Variants in GLI2 observed in about 807,000 individuals in gnomAD.
The protein encoded by GLI2 is GLI family zinc finger 2.
Under a neutral mutation model 78.9 loss-of-function variants are expected in GLI2, and 22 were observed. The observed-to-expected ratio is 0.28, with a 90% confidence interval of 0.20 to 0.40. GLI2 has a LOEUF of 0.40. Among genes scored for constraint, GLI2 ranks in the 10% least tolerant of loss-of-function variants. The pLI is 1.00. For missense variants in GLI2, 2,097 were observed against 2,213.2 expected (o/e 0.95, Z 1.05); for synonymous variants, 974 against 963.7 (o/e 1.01, Z -0.20).
At chr2:120,976,777 C>T (rs567570241) in intron 9 of GLI2, among the ~76,000 whole-genome samples, 1 of 152,318 alleles carries the variant, frequency 6.6e-6, no homozygotes, top group South Asian at 2.1e-4. Context: ...AGGTGGCCAC[C>T]TCCACCAGGC....
At chr2:120,932,076 G>A (rs1382437897) in intron 3 of GLI2, among the ~76,000 whole-genome samples, 1 of 152,198 alleles carries the variant, frequency 6.6e-6, no homozygotes, top group Non-Finnish European at 1.5e-5. Context: ...CCAGGGCAAA[G>A]CTTGTGAGGA....
intron 3 of GLI2, 45 bp from the exon 4 acceptor site, chr2:120,951,197 TC>T: frequency 9.0e-7 from 1 of 1,112,468 alleles, no homozygotes; most frequent in Non-Finnish European, 1.4e-6. Context: ...TTGGTGGGGT[TC>T]CCTCTGTGTC....
Position 120,970,470 on chromosome 2 carries a change from C to T in GLI2, c.923C>T (p.Ser308Leu). Residue 308 changes from serine to leucine, a missense_variant, in exon 7 of 14, where the codon TCA (serine) becomes TTA (leucine). By Grantham distance (145) the Ser-to-Leu change is moderately radical (BLOSUM62 -2). This residue lies in a region of GLI2 where 578 missense variants were observed against 612.0 expected (regional missense o/e 0.94). Transcript: ENST00000361492. Reference sequence around the variant, plus strand: ...CTGAGCCAGCAGAGGGGTCTGGGGTCAGCCTTTGGACACACACCACCCCTG... The same window carrying T: ...CTGAGCCAGCAGAGGGGTCTGGGGTTAGCCTTTGGACACACACCACCCCTG... ...QILSQQRGLG[S>L]AFGHTPPLIQ... is the part of the protein sequence containing the mutation. 1.9e-6 allele frequency: 3 copies of T among 1,613,938 alleles called. No individual in the cohort carries two copies. The highest frequency in any genetic ancestry group is 2.5e-6 in the Non-Finnish European group (3 of 1,179,896).
chr2:120,850,261 ATAAAG>A (rs1338667479), intron 2 of GLI2, among the ~76,000 whole-genome samples: 1 of 152,092 alleles, frequency 6.6e-6, no homozygotes, highest in Non-Finnish European at 1.5e-5. Context: ...ATAACCAAGA[ATAAAG>A]TAACGCTTCT....
At chr2:120,741,400 T>C (rs1307892142) in intron 1 of GLI2, among the ~76,000 whole-genome samples, 2 of 151,936 alleles carry the variant, frequency 1.3e-5, no homozygotes, top group Non-Finnish European at 1.5e-5. Context: ...CCTTTCTGTC[T>C]TTTTCTTTCT....
intron 1 of GLI2, among the ~76,000 whole-genome samples, chr2:120,787,731 C>T (rs1684037595): frequency 6.6e-6 from 1 of 152,240 alleles, no homozygotes; most frequent in Non-Finnish European, 1.5e-5. Flanking sequence ...AGACAGCGGC[C>T]TCAGAGCACG....
rs755886005 is a variant in GLI2, at chr2:120,988,494, G to C, written c.2529G>C (p.Thr843=). ...SSADSYDPIS[T]DASRRSSEAS... is the part of the protein sequence containing the mutation. ...CTGACTCCTACGACCCCATCTCCAC[G>C]GACGCGTCGCGGCGCTCGAGCGAGG... Residue 843 remains threonine (T), a synonymous_variant, in exon 14 of 14, where the codon ACG becomes ACC. Transcript: ENST00000361492. 5.2e-6 allele frequency: 8 copies of C among 1,543,020 alleles called. No homozygotes were observed. Among genetic ancestry groups the C allele is most frequent in the South Asian group, 3.6e-5 (3 of 84,298 alleles).
In GLI2 at chr2:120,989,527, C is replaced by G; in HGVS notation, c.3562C>G (p.Leu1188Val). 1.9e-6 allele frequency: 3 copies of G among 1,612,424 alleles called. No individual in the cohort carries two copies. The highest frequency in any genetic ancestry group is 2.5e-6 in the Non-Finnish European group (3 of 1,179,744). The change falls in exon 14 of 14, where the codon CTG becomes GTG. Residue 1188 changes from leucine (L) to valine (V), a missense_variant. Around this residue, in one of 5 missense-constraint regions of GLI2, gnomAD observed 1,290 missense variants for 1,261.7 expected, o/e 1.02. Coordinates refer to ENST00000361492, the MANE Select transcript of GLI2 (RefSeq NM_001374353.1). ...PGGLDSTQPH[L>V]QPRSGAPSQG... ...GGGCCTGGACAGCACGCAGCCACAC[C>G]TGCAGCCCCGCAGCGGAGCCCCCTC...
chr2:120,739,308 T>G (rs562993135), intron 1 of GLI2, among the ~76,000 whole-genome samples: 5 of 152,100 alleles, frequency 3.3e-5, no homozygotes, highest in Non-Finnish European at 7.4e-5. Flanking sequence ...ACGGGAAAAC[T>G]TCACTCCACA....
intron 3 of GLI2, among the ~76,000 whole-genome samples, chr2:120,943,734 A>T (rs1039094152): frequency 7.2e-5 from 11 of 152,212 alleles, no homozygotes; most frequent in Admixed American, 5.2e-4. Flanking sequence ...CATCTCTGGC[A>T]TGCCAAGGGT....
At chr2:120,983,414 A>G (rs1180550700) in intron 11 of GLI2, among the ~76,000 whole-genome samples, 2 of 152,122 alleles carry the variant, frequency 1.3e-5, no homozygotes. Flanking sequence ...CCCACCCCCA[A>G]ATTCCCTTTC....
chr2:120,972,925 A>G (rs1682261294), intron 8 of GLI2, among the ~76,000 whole-genome samples: 1 of 152,116 alleles, frequency 6.6e-6, no homozygotes, highest in African/African-American at 2.4e-5. Context: ...TGTCTTGTAA[A>G]GGGCATGCCG....
chr2:120,820,995 C>T (rs530051394), intron 2 of GLI2, among the ~76,000 whole-genome samples: 15 of 152,220 alleles, frequency 9.9e-5, no homozygotes, highest in Admixed American at 3.9e-4. Flanking sequence ...TGTGGCCTCC[C>T]GGTGGTTTCA....
chr2:120,831,361 G>A (rs1686352696), intron 2 of GLI2, among the ~76,000 whole-genome samples: 1 of 152,220 alleles, frequency 6.6e-6, no homozygotes, highest in South Asian at 2.1e-4. Context: ...AGGGTGCTCT[G>A]CTGTGGGCAC....
At chr2:120,885,244 C>T (rs1218051933) in intron 2 of GLI2, among the ~76,000 whole-genome samples, 1 of 152,148 alleles carries the variant, frequency 6.6e-6, no homozygotes, top group African/African-American at 2.4e-5. Context: ...TGGGCCTGGC[C>T]CATGGAAGAG....
At chr2:120,820,000 G>A (rs1685686632) in intron 2 of GLI2, among the ~76,000 whole-genome samples, 2 of 152,134 alleles carry the variant, frequency 1.3e-5, no homozygotes, top group Admixed American at 1.3e-4. Flanking sequence ...ACGAGCACAG[G>A]CAGCAGGATG....
intron 2 of GLI2, among the ~76,000 whole-genome samples, chr2:120,812,630 C>T (rs1685307521): frequency 6.6e-6 from 1 of 152,158 alleles, no homozygotes; most frequent in Admixed American, 6.5e-5. Flanking sequence ...ACCCTCACAC[C>T]CTGGCGTGTC....
chr2:120,893,994 G>A (rs1022099631), intron 2 of GLI2, among the ~76,000 whole-genome samples: 8 of 152,270 alleles, frequency 5.3e-5, no homozygotes, highest in Middle Eastern at 3.4e-3. Context: ...CCTCCCAAAC[G>A]TCCCCTGCAG....
At chr2:120,894,343 G>A (rs989132650) in intron 2 of GLI2, among the ~76,000 whole-genome samples, 8 of 151,824 alleles carry the variant, frequency 5.3e-5, no homozygotes, top group Non-Finnish European at 2.9e-5. Flanking sequence ...TGGGGCCCGC[G>A]TAGCTGATAG....
Sources: allele counts gnomAD v4.1 joint callset (sites outside exome capture counted in the v4.1 genomes callset), GRCh38; gene constraint gnomAD v4.1.1; regional missense constraint gnomAD v4.1.1; transcripts MANE v1.5; gene names NCBI Gene and HGNC (gene_info 2026-07-23, HGNC 2026-07-21).